SOAT1: variants seen among roughly 807,000 people sequenced by gnomAD.
SOAT1 encodes acyl-coenzyme A:cholesterol acyltransferase 1.
Under a neutral mutation model 69.5 loss-of-function variants are expected in SOAT1, and 55 were observed. The ratio of observed to expected loss-of-function variants is 0.79; its 90% CI spans 0.64 to 0.99. The LOEUF (loss-of-function observed/expected upper bound fraction) is 0.99, where lower values mean the gene tolerates loss of function less well. SOAT1 is among the 50% of genes least tolerant of loss of function. SOAT1 has a pLI of 0.00. For synonymous variants in SOAT1, 231 were observed against 224.7 expected (o/e 1.03, Z -0.25); for missense variants, 580 against 669.3 (o/e 0.87, Z 1.47).
At chr1:179,345,099 T>C (rs371099658) in intron 11 of SOAT1, 23 bp downstream of exon 11, 207 of 1,611,382 alleles carry the variant, frequency 1.3e-4, no homozygotes, top group Middle Eastern at 9.9e-4. Context: ...CTTGTTAATT[T>C]GGTCATGCAT....
At chr1:179,335,686 A>G (rs1558052110) in intron 4 of SOAT1, 29 bp downstream of exon 4, 1 of 1,601,842 alleles carries the variant, frequency 6.2e-7, no homozygotes, top group Non-Finnish European at 8.5e-7. Flanking sequence ...CTTTTAATGC[A>G]AACATCTACT....
Position 179,300,046 on chromosome 1 carries a change from C to T in SOAT1, c.-8-2631C>T, listed in dbSNP as rs557803405. Among the ~76,000 whole-genome samples, 640 of 151,854 alleles carry T rather than the reference C, an allele frequency of 4.2e-3. 4 individuals are homozygous for T. The highest frequency in any genetic ancestry group is 0.011 in the African/African-American group (443 of 41,384). On this transcript the variant is annotated intron_variant, in intron 1 of 15. Coordinates refer to ENST00000367619, the MANE Select transcript of SOAT1 (RefSeq NM_003101.6). ...AAAGTGCTGGGATTACAGGCATGAG[C>T]CACCGCACCCGGCTTCATTTTGCTG...
chr1:179,334,857 A>T (rs1666091853), intron 3 of SOAT1, among the ~76,000 whole-genome samples: 1 of 151,864 alleles, frequency 6.6e-6, no homozygotes, highest in Non-Finnish European at 1.5e-5. Context: ...CTCTACGAAA[A>T]ATACAAAATT....
In SOAT1 at chr1:179,349,469, A is replaced by G. The variant is rs370613431; in HGVS notation, c.1314+527A>G. 4.6e-5 allele frequency among the ~76,000 whole-genome samples: 7 copies of G among 151,754 alleles called. No homozygotes were observed. In the East Asian group the frequency reaches 5.8e-4, roughly 13 times the overall value. On this transcript the variant is annotated intron_variant, in intron 13 of 15. Coordinates refer to ENST00000367619, the MANE Select transcript of SOAT1 (RefSeq NM_003101.6). ...CAGCCTCCCAAGTAGCTGGGATTAC[A>G]GGCATGCACCACCACGCCCAGCTAA... is the stretch of plus-strand genomic sequence containing the variant.
intron 2 of SOAT1, among the ~76,000 whole-genome samples, chr1:179,320,272 C>G (rs1003080153): frequency 6.6e-6 from 1 of 152,042 alleles, no homozygotes; most frequent in Non-Finnish European, 1.5e-5. Flanking sequence ...TGTCCCAGCT[C>G]CATTTGTTGA....
At position 179,355,196 on chromosome 1, in the gene SOAT1, A is replaced by G. The variant is rs1020790772; in HGVS notation, c.*1555A>G. ...AGGTACTCTGCATGTTCCCGCAGTA[A>G]TGTTCTGCACAACAGTATTGTAATT... On this transcript the variant is annotated 3_prime_UTR_variant, in exon 16 of 16. Transcript: ENST00000367619. The G allele has an allele frequency of 2.0e-5, 3 of 152,206 alleles. No homozygotes were observed. The highest frequency in any genetic ancestry group is 7.2e-5 in the African/African-American group (3 of 41,474). 9.4% of individuals were successfully genotyped at this position (152,206 alleles called of 1,614,324 possible). A position where few individuals can be genotyped will look rare whatever the true frequency, so the allele number is the denominator to read the frequency against.
At chr1:179,319,130 G>A (rs1319329711) in intron 2 of SOAT1, among the ~76,000 whole-genome samples, 1 of 151,966 alleles carries the variant, frequency 6.6e-6, no homozygotes, top group Non-Finnish European at 1.5e-5. Context: ...TTTGATTATA[G>A]CCATCCTAGT....
chr1:179,303,791 G>A (rs1449826983), intron 2 of SOAT1, among the ~76,000 whole-genome samples: 1 of 152,100 alleles, frequency 6.6e-6, no homozygotes, highest in Non-Finnish European at 1.5e-5. Flanking sequence ...AGCCAATACT[G>A]GGGAGAATTC....
At chr1:179,314,894 T>C (rs1665340037) in intron 2 of SOAT1, among the ~76,000 whole-genome samples, 2 of 152,204 alleles carry the variant, frequency 1.3e-5, no homozygotes, top group Non-Finnish European at 2.9e-5. Context: ...AGATAAGTAT[T>C]GCAAGCCTGA....
intron 2 of SOAT1, among the ~76,000 whole-genome samples, chr1:179,313,663 C>T (rs1665297250): frequency 1.3e-5 from 2 of 152,102 alleles, no homozygotes; most frequent in Admixed American, 1.3e-4. Context: ...CTGCTCACCG[C>T]AACCTCCGCC....
chr1:179,331,954 T>G (rs1665990748), intron 3 of SOAT1, among the ~76,000 whole-genome samples: 1 of 152,154 alleles, frequency 6.6e-6, no homozygotes, highest in Non-Finnish European at 1.5e-5. Context: ...CCTTGTGGAG[T>G]TAATGTTCTT....
intron 3 of SOAT1, among the ~76,000 whole-genome samples, chr1:179,325,484 G>A (rs1158970943): frequency 4.6e-5 from 7 of 152,126 alleles, no homozygotes; most frequent in African/African-American, 1.7e-4. Flanking sequence ...GTTTACTAGA[G>A]TGTTTCTGAC....
At chr1:179,348,980 T>G (rs1475561163) in intron 13 of SOAT1, 38 bp downstream of exon 13, 1 of 1,096,386 alleles carries the variant, frequency 9.1e-7, no homozygotes, top group Non-Finnish European at 1.4e-6. Context: ...ATTTATGAAA[T>G]GGAGATTCTT....
chr1:179,350,401 G>A lies in SOAT1; in HGVS notation c.1420G>A (p.Val474Met), dbSNP rs745424958. ...TGTTTGCTTGAGCTTTTTCTATCCC[G>A]TGCTCTTCGTGCTCTTCATGTTCTT... ...LAVCLSFFYP[V>M]LFVLFMFFGM... Residue 474 changes from valine to methionine, a missense_variant, in exon 14 of 16, where the codon GTG becomes ATG. Physicochemically the swap from Val to Met is conservative, Grantham distance 21. Coordinates refer to ENST00000367619, the MANE Select transcript of SOAT1 (RefSeq NM_003101.6). 36 of 1,613,730 alleles carry A rather than the reference G, an allele frequency of 2.2e-5. No homozygotes were observed. Among genetic ancestry groups the A allele is most frequent in the Middle Eastern group, 1.7e-4 (1 of 6,060 alleles).
rs2125010142 is a variant in SOAT1, at chr1:179,354,917, G to C, written c.*1276G>C. ...AGTAAGATTTATGAATTATTTAAAT[G>C]ATAGTTGTTACTTGGAACAGCCACT... On this transcript the variant is annotated 3_prime_UTR_variant, in exon 16 of 16. Transcript: ENST00000367619. 6.6e-6 allele frequency: 1 copy of C among 152,286 alleles called. No homozygotes were observed. The highest frequency in any genetic ancestry group is 3.4e-3 in the Middle Eastern group (1 of 294). The allele number at this position is 152,286 out of a possible 1,614,324, so 9.4% of individuals were successfully genotyped here.
In SOAT1 at chr1:179,329,464, G is replaced by T. The variant is rs1245237037; in HGVS notation, c.177+5969G>T. ...TTTTGGTCCGGTCATGGTAGCTCAC[G>T]CCTGTAATCCCAGCACTTTGAGAGG... is the stretch of plus-strand genomic sequence containing the variant. On this transcript the variant is annotated intron_variant, in intron 3 of 15. Coordinates refer to ENST00000367619, the MANE Select transcript of SOAT1 (RefSeq NM_003101.6). Among the ~76,000 whole-genome samples, 3 of 152,100 alleles carry T rather than the reference G, an allele frequency of 2.0e-5. No individual in the cohort carries two copies. In the South Asian group the frequency reaches 6.2e-4, roughly 32 times the overall value.
At chr1:179,304,713 A>G (rs901522516) in intron 2 of SOAT1, among the ~76,000 whole-genome samples, 2 of 151,274 alleles carry the variant, frequency 1.3e-5, no homozygotes, top group Non-Finnish European at 2.9e-5. Context: ...GAGTGGTGCA[A>G]TCTTGGCTTA....
chr1:179,298,340 G>A (rs1298171619), intron 1 of SOAT1, among the ~76,000 whole-genome samples: 1 of 151,988 alleles, frequency 6.6e-6, no homozygotes. Context: ...TGCCCACCTC[G>A]GCCTCCCAAA....
At chr1:179,303,612 A>C (rs1414843478) in intron 2 of SOAT1, among the ~76,000 whole-genome samples, 1 of 152,224 alleles carries the variant, frequency 6.6e-6, no homozygotes, top group Non-Finnish European at 1.5e-5. Context: ...AATTTAATTA[A>C]ACTTAAATAT....
Sources: allele counts gnomAD v4.1 joint callset (sites outside exome capture counted in the v4.1 genomes callset), GRCh38; gene constraint gnomAD v4.1.1; transcripts MANE v1.5; gene names NCBI Gene and HGNC (gene_info 2026-07-23, HGNC 2026-07-21).